VWC2L: variants seen among roughly 807,000 people sequenced by gnomAD.
VWC2L encodes von Willebrand factor C domain containing 2 like.
A neutral mutation model predicts 21.6 loss-of-function variants in VWC2L; 10 were observed. The ratio of observed to expected loss-of-function variants is 0.46; its 90% CI spans 0.29 to 0.78. The LOEUF (loss-of-function observed/expected upper bound fraction) is 0.78. Ranked by LOEUF, VWC2L falls within the 30% of genes least tolerant of loss-of-function variation. The pLI, the probability that VWC2L is intolerant of heterozygous loss-of-function variation, is 0.10. For missense variants in VWC2L, 209 were observed against 277.1 expected (o/e 0.75, Z 1.74); for synonymous variants, 96 against 94.3 (o/e 1.02, Z -0.10).
At chr2:214,433,290 G>A (rs538420461) in intron 2 of VWC2L, among the ~76,000 whole-genome samples, 1 of 151,480 alleles carries the variant, frequency 6.6e-6, no homozygotes, top group South Asian at 2.1e-4. Context: ...TCTAAGGAGT[G>A]CACAGAAATA....
At chr2:214,524,784 C>G (rs1274502211) in intron 3 of VWC2L, among the ~76,000 whole-genome samples, 1 of 152,126 alleles carries the variant, frequency 6.6e-6, no homozygotes, top group African/African-American at 2.4e-5. Flanking sequence ...CTCTTCACAA[C>G]TTATTTAAAA....
chr2:214,514,701 T>C (rs566060580), intron 3 of VWC2L, among the ~76,000 whole-genome samples: 2 of 152,330 alleles, frequency 1.3e-5, no homozygotes, highest in African/African-American at 4.8e-5. Context: ...CAGCCCACTA[T>C]CTAATGATGA....
intron 3 of VWC2L, among the ~76,000 whole-genome samples, chr2:214,512,263 T>G (rs1689067906): frequency 6.6e-6 from 1 of 152,320 alleles, no homozygotes; most frequent in East Asian, 1.9e-4. Context: ...AGGATACCTA[T>G]GCTATCATGA....
intron 3 of VWC2L, among the ~76,000 whole-genome samples, chr2:214,469,570 G>C (rs1402240408): frequency 2.6e-5 from 4 of 151,578 alleles, no homozygotes; most frequent in Non-Finnish European, 5.9e-5. Flanking sequence ...ACTCCAGCCT[G>C]GGCGACAGAG....
intron 3 of VWC2L, among the ~76,000 whole-genome samples, chr2:214,439,763 T>C (rs1453120275): frequency 6.6e-6 from 1 of 151,814 alleles, no homozygotes; most frequent in Non-Finnish European, 1.5e-5. Flanking sequence ...ACACCTAACC[T>C]TATAACTCAA....
chr2:214,499,009 CTTTTTTTTTTTTTTT>C (rs56085205), intron 3 of VWC2L, among the ~76,000 whole-genome samples: 6 of 83,422 alleles, frequency 7.2e-5, no homozygotes, highest in Middle Eastern at 6.8e-3. Context: ...TCGTACCATT[CTTTTTTTTTTTTTTT>C]TTTTTTTTTT....
chr2:214,508,824 A>G (rs146113170), intron 3 of VWC2L, among the ~76,000 whole-genome samples: 42 of 152,150 alleles, frequency 2.8e-4, no homozygotes, highest in Middle Eastern at 3.4e-3. Context: ...TTGTTTTGCA[A>G]ATTTACTGGA....
chr2:214,576,506 A>G lies in VWC2L; in HGVS notation c.*686A>G, dbSNP rs1265353303. The G allele has an allele frequency of 6.6e-6, 1 of 152,154 alleles. No individual in the cohort carries two copies. Among genetic ancestry groups the G allele is most frequent in the African/African-American group, 2.4e-5 (1 of 41,428 alleles). 9.4% of individuals were successfully genotyped at this position (152,154 alleles called of 1,614,324 possible). ...TTAATTCTTACAAACCACACATTTC[A>G]TATGGAAAACCTCGAAACTGCCAAT... is the stretch of plus-strand genomic sequence containing the variant. On this transcript the variant is annotated 3_prime_UTR_variant, in exon 4 of 4. Transcript: ENST00000312504.
chr2:214,472,097 G>C (rs1703317307), intron 3 of VWC2L: 1 of 152,132 alleles, frequency 6.6e-6, no homozygotes, highest in African/African-American at 2.4e-5. Context: ...GCTATATCTA[G>C]TAGGGAAAAG....
intron 3 of VWC2L, among the ~76,000 whole-genome samples, chr2:214,550,139 C>T (rs561896587): frequency 1.3e-5 from 2 of 152,288 alleles, no homozygotes; most frequent in African/African-American, 4.8e-5. Flanking sequence ...CCCTTTATTG[C>T]TCAAATGCTC....
Position 214,522,400 on chromosome 2 carries a change from C to T in VWC2L, c.521-53272C>T, listed in dbSNP as rs140632958. Among the ~76,000 whole-genome samples the T allele has an allele frequency of 4.3e-3, 592 of 137,724 alleles. 2 individuals are homozygous for T. Among genetic ancestry groups the T allele is most frequent in the African/African-American group, 7.0e-3 (264 of 37,590 alleles). The allele number at this position is 137,724 out of a possible 152,430, so 90.4% of individuals were successfully genotyped here. ...AAAAAAAAAAAAAAAAAAAAAATTG[C>T]ATTTTTTTCCTCTTTGCTGATTCCT... On this transcript the variant is annotated intron_variant, in intron 3 of 3. Coordinates refer to ENST00000312504, the MANE Select transcript of VWC2L (RefSeq NM_001080500.4).
chr2:214,457,370 AT>A (rs778276148), intron 3 of VWC2L, among the ~76,000 whole-genome samples: 4 of 152,034 alleles, frequency 2.6e-5, no homozygotes, highest in African/African-American at 4.8e-5. Context: ...TTGATTTTGT[AT>A]TCTGCAATTT....
chr2:214,414,117 A>G lies in VWC2L; in HGVS notation c.-77A>G, dbSNP rs567850544. 6.8e-5 allele frequency: 98 copies of G among 1,439,734 alleles called. No homozygotes were observed. Among genetic ancestry groups the G allele is most frequent in the Middle Eastern group, 2.5e-4 (1 of 3,950 alleles). The allele number at this position is 1,439,734 out of a possible 1,614,324, so 89.2% of individuals were successfully genotyped here. On this transcript the variant is annotated 5_prime_UTR_variant, in exon 2 of 4. Coordinates refer to ENST00000312504, the MANE Select transcript of VWC2L (RefSeq NM_001080500.4). ...CTTTTTAAATATTTATTTTCAGCCT[A>G]CCCCTCTTGTATTCCCATGGAAGGA... is the stretch of plus-strand genomic sequence containing the variant.
At chr2:214,518,083 G>A (rs778359204) in intron 3 of VWC2L, among the ~76,000 whole-genome samples, 4 of 152,008 alleles carry the variant, frequency 2.6e-5, no homozygotes, top group African/African-American at 7.3e-5. Flanking sequence ...GGAGAATGGC[G>A]TGAACTCAGG....
At chr2:214,454,088 A>G (rs1030051126) in intron 3 of VWC2L, among the ~76,000 whole-genome samples, 2 of 152,080 alleles carry the variant, frequency 1.3e-5, no homozygotes, top group African/African-American at 2.4e-5. Context: ...TAGTATATAG[A>G]AATAGAATTG....
chr2:214,527,113 G>A (rs1054545258), intron 3 of VWC2L, among the ~76,000 whole-genome samples: 6 of 152,052 alleles, frequency 3.9e-5, no homozygotes, highest in African/African-American at 7.2e-5. Flanking sequence ...TGAATGCAGC[G>A]AAGGCCATTA....
At chr2:214,498,729 C>T (rs369055733) in intron 3 of VWC2L, among the ~76,000 whole-genome samples, 1 of 79,620 alleles carries the variant, frequency 1.3e-5, no homozygotes, top group Admixed American at 1.3e-4. Flanking sequence ...ATATATTATA[C>T]ATATACATAT....
chr2:214,509,633 C>T (rs1175390344), intron 3 of VWC2L, among the ~76,000 whole-genome samples: 1 of 152,146 alleles, frequency 6.6e-6, no homozygotes, highest in African/African-American at 2.4e-5. Flanking sequence ...TCCTCACTGT[C>T]TTCTCCCACC....
intron 3 of VWC2L, chr2:214,533,997 T>C (rs558920848): frequency 6.5e-6 from 1 of 152,686 alleles, no homozygotes; most frequent in South Asian, 2.1e-4. Flanking sequence ...TGGTCATAGC[T>C]TCAGAACCCT....
Sources: gnomAD v4.1 joint callset for allele counts (sites outside exome capture counted in the v4.1 genomes callset) on GRCh38, gnomAD v4.1.1 for gene constraint, MANE v1.5 for transcripts, NCBI Gene and HGNC (gene_info 2026-07-23, HGNC 2026-07-21) for gene names.